Variants in SCN10A observed in about 807,000 individuals in gnomAD.
SCN10A encodes sodium voltage-gated channel alpha subunit 10.
Under a neutral mutation model 170.7 loss-of-function variants are expected in SCN10A, and 162 were observed. The observed-to-expected ratio is 0.95, with a 90% CI of 0.84 to 1.08. The LOEUF (loss-of-function observed/expected upper bound fraction) is 1.08, where lower values mean the gene tolerates loss of function less well. Among genes scored for constraint, SCN10A ranks in the 50% least tolerant of loss-of-function variants. SCN10A has a pLI of 0.00. For synonymous variants in SCN10A, 985 were observed against 904.6 expected (o/e 1.09, Z -1.59); for missense variants, 2,527 against 2,436.9 (o/e 1.04, Z -0.78).
intron 1 of SCN10A, among the ~76,000 whole-genome samples, chr3:38,799,991 C>T (rs957675976): frequency 6.6e-6 from 1 of 152,168 alleles, no homozygotes; most frequent in African/African-American, 2.4e-5. Context: ...CCCTAAAAGG[C>T]AGTCCATTGA....
intron 1 of SCN10A, among the ~76,000 whole-genome samples, chr3:38,814,079 G>A (rs1353352249): frequency 6.6e-6 from 1 of 152,184 alleles, no homozygotes; most frequent in African/African-American, 2.4e-5. Flanking sequence ...CATGCACCAT[G>A]TAAATAAACA....
intron 23 of SCN10A, 119 bp from the exon 24 acceptor site, chr3:38,711,016 G>T: frequency 1.3e-6 from 1 of 764,892 alleles, no homozygotes; most frequent in Non-Finnish European, 2.2e-6. Flanking sequence ...GGCTTGTGCA[G>T]AAAGAATGAA....
intron 20 of SCN10A, among the ~76,000 whole-genome samples, chr3:38,720,809 A>G (rs191625632): frequency 6.6e-6 from 1 of 152,322 alleles, no homozygotes; most frequent in Non-Finnish European, 1.5e-5. Context: ...CGTAGTGAGG[A>G]GAGCACCTGG....
At chr3:38,745,142 G>C (rs2063673083) in intron 13 of SCN10A, among the ~76,000 whole-genome samples, 1 of 152,206 alleles carries the variant, frequency 6.6e-6, no homozygotes, top group South Asian at 2.1e-4. Flanking sequence ...GAAAAGAGAG[G>C]CATCTTTGTA....
chr3:38,765,843 T>C (rs902220641), intron 5 of SCN10A, among the ~76,000 whole-genome samples: 5 of 152,208 alleles, frequency 3.3e-5, no homozygotes, highest in African/African-American at 1.2e-4. Context: ...ATTTTATCCA[T>C]CCATGAGCAT....
intron 4 of SCN10A, among the ~76,000 whole-genome samples, chr3:38,779,917 G>A (rs1031748525): frequency 3.3e-5 from 5 of 151,530 alleles, no homozygotes; most frequent in Non-Finnish European, 7.4e-5. Flanking sequence ...TGAGGTTTTT[G>A]TCATGGCTTA....
chr3:38,730,885 G>A (rs1344364850), intron 15 of SCN10A, among the ~76,000 whole-genome samples: 1 of 152,052 alleles, frequency 6.6e-6, no homozygotes, highest in Non-Finnish European at 1.5e-5. Context: ...TAGAATGAGA[G>A]AGTTTAACAT....
chr3:38,757,572 T>G (rs2126029093), intron 8 of SCN10A, among the ~76,000 whole-genome samples: 1 of 152,328 alleles, frequency 6.6e-6, no homozygotes, highest in Admixed American at 6.5e-5. Context: ...TATGTAACAG[T>G]GGAAATAACA....
rs139655085 is a variant in SCN10A, at chr3:38,701,945, G to A, written c.4551C>T (p.Ala1517=). Residue 1517 remains alanine (A), a synonymous_variant, in exon 27 of 28, where the codon GCC becomes GCT. Transcript: ENST00000449082. ...ILGKINQFFV[A]VFTGECVMKM... is the part of the protein sequence containing the mutation. ...TCATGACACATTCGCCTGTGAAGACGGCCACAAAGAACTGGTTGATTTTGC... is the reference window on the plus strand; with the variant it reads ...TCATGACACATTCGCCTGTGAAGACAGCCACAAAGAACTGGTTGATTTTGC... 16 of 1,613,938 alleles carry A rather than the reference G, an allele frequency of 9.9e-6. No individual in the cohort carries two copies. Among genetic ancestry groups the A allele is most frequent in the Middle Eastern group, 1.6e-4 (1 of 6,080 alleles).
intron 8 of SCN10A, among the ~76,000 whole-genome samples, chr3:38,760,421 A>G (rs1186249297): frequency 1.3e-5 from 2 of 152,270 alleles, no homozygotes; most frequent in South Asian, 2.1e-4. Flanking sequence ...ATCTGATCCC[A>G]GTCCAAAATG....
rs761787151 is a variant in SCN10A at position 38,742,518 on chromosome 3, A to G, written c.1879T>C (p.Ser627Pro). ...AAGCAGGGTGGGCACTTCTGTTCAG[A>G]CTCCTCGAGTTCTGCATTATAGTGT... ...ITSVLEELEE[S>P]EQKCPPCLTS... Residue 627 changes from serine to proline, a missense_variant, in exon 14 of 28, where the codon TCT becomes CCT. Physicochemically the swap from Ser to Pro is moderately conservative, Grantham distance 74. Coordinates refer to ENST00000449082, the MANE Select transcript of SCN10A (RefSeq NM_006514.4). The G allele has an allele frequency of 6.2e-6, 10 of 1,613,554 alleles. No homozygotes were observed. Among genetic ancestry groups the G allele is most frequent in the Admixed American group, 1.7e-5 (1 of 59,986 alleles).
intron 27 of SCN10A, 26 bp from the exon 28 acceptor site, chr3:38,698,588 A>C: frequency 6.3e-7 from 1 of 1,598,102 alleles, no homozygotes; most frequent in East Asian, 2.2e-5. Context: ...GAAATTATCT[A>C]ATTAGTATCT....
chr3:38,708,578 T>A (rs2063236148), intron 25 of SCN10A, among the ~76,000 whole-genome samples: 1 of 152,148 alleles, frequency 6.6e-6, no homozygotes, highest in African/African-American at 2.4e-5. Flanking sequence ...CAGCATCTGG[T>A]GCTCTTGAGG....
At chr3:38,813,425 T>C (rs1042949808) in intron 1 of SCN10A, among the ~76,000 whole-genome samples, 1 of 152,232 alleles carries the variant, frequency 6.6e-6, no homozygotes, top group Non-Finnish European at 1.5e-5. Flanking sequence ...ATATATAAAA[T>C]GAGTGTATCA....
At chr3:38,712,817 A>G (rs2125990288) in intron 22 of SCN10A, among the ~76,000 whole-genome samples, 1 of 152,354 alleles carries the variant, frequency 6.6e-6, no homozygotes, top group South Asian at 2.1e-4. Context: ...CAATTTAAAT[A>G]CAATTTAAAG....
intron 17 of SCN10A, among the ~76,000 whole-genome samples, chr3:38,726,146 G>T (rs1019985894): frequency 6.6e-6 from 1 of 152,226 alleles, no homozygotes; most frequent in Admixed American, 6.5e-5. Flanking sequence ...CTTTAAATTA[G>T]TTGGTGCCAA....
intron 1 of SCN10A, among the ~76,000 whole-genome samples, chr3:38,812,988 G>A (rs1234429657): frequency 6.6e-6 from 1 of 152,080 alleles, no homozygotes; most frequent in East Asian, 1.9e-4. Flanking sequence ...AGCTGAGATT[G>A]TGCCACTGCA....
rs192946276 is a variant in SCN10A at position 38,760,710 on chromosome 3, G to A, written c.921C>T (p.Pro307=). 1 of 1,614,114 alleles carries A rather than the reference G, an allele frequency of 6.2e-7. No individual in the cohort carries two copies. Among genetic ancestry groups the A allele is most frequent in the Admixed American group, 1.7e-5 (1 of 60,028 alleles). ...AGTCAGATCCATTGCCACACAGTAAGGGGTCAGAAGTGCCTCGCTTATTTA... is the reference window on the plus strand; with the variant it reads ...AGTCAGATCCATTGCCACACAGTAAAGGGTCAGAAGTGCCTCGCTTATTTA... ...IYINKRGTSD[P]LLCGNGSDSG... Residue 307 remains proline (P), a synonymous_variant, in exon 8 of 28, where the codon CCC becomes CCT. Coordinates refer to ENST00000449082, the MANE Select transcript of SCN10A (RefSeq NM_006514.4).
At chr3:38,756,482 A>C (rs1350442837) in intron 10 of SCN10A, among the ~76,000 whole-genome samples, 192 bp downstream of exon 10, 1 of 152,138 alleles carries the variant, frequency 6.6e-6, no homozygotes, top group East Asian at 1.9e-4. Context: ...GCACTCCCTC[A>C]ATAGGTCACT....
Sources: gnomAD v4.1 joint callset for allele counts (sites outside exome capture counted in the v4.1 genomes callset) on GRCh38, gnomAD v4.1.1 for gene constraint, MANE v1.5 for transcripts, NCBI Gene and HGNC (gene_info 2026-07-23, HGNC 2026-07-21) for gene names.